GPC5: variants seen among roughly 807,000 people sequenced by gnomAD.
The protein encoded by GPC5 is glypican 5.
A neutral mutation model predicts 53.9 loss-of-function variants in GPC5; 47 were observed. The ratio of observed to expected loss-of-function variants is 0.87; its 90% CI spans 0.69 to 1.11. The LOEUF is 1.11. Among genes scored for constraint, GPC5 ranks in the 50% most tolerant of loss-of-function variants. GPC5 has a pLI of 0.00. For synonymous variants in GPC5, 286 were observed against 263.3 expected (o/e 1.09, Z -0.84); for missense variants, 748 against 713.1 (o/e 1.05, Z -0.56).
chr13:92,231,921 G>A (rs562352520), intron 7 of GPC5, among the ~76,000 whole-genome samples: 4 of 152,242 alleles, frequency 2.6e-5, no homozygotes, highest in African/African-American at 4.8e-5. Flanking sequence ...AGCCGAGATC[G>A]CGCCACTGCA....
chr13:91,506,697 A>G (rs1189084421), intron 2 of GPC5, among the ~76,000 whole-genome samples: 1 of 150,230 alleles, frequency 6.7e-6, no homozygotes, highest in Admixed American at 6.8e-5. Context: ...AGAAAAAATG[A>G]CTTTGAATAA....
At chr13:92,485,264 G>A (rs372632813) in intron 7 of GPC5, among the ~76,000 whole-genome samples, 2 of 152,060 alleles carry the variant, frequency 1.3e-5, no homozygotes, top group African/African-American at 4.8e-5. Context: ...AACCTTGATG[G>A]TATTATAGGA....
chr13:92,050,459 A>G (rs906170207), intron 6 of GPC5, among the ~76,000 whole-genome samples: 12 of 152,176 alleles, frequency 7.9e-5, no homozygotes, highest in African/African-American at 2.7e-4. Context: ...ATATTTTGAT[A>G]AGAGGCAACA....
At chr13:91,689,754 G>A (rs377119760) in intron 2 of GPC5, among the ~76,000 whole-genome samples, 2 of 151,948 alleles carry the variant, frequency 1.3e-5, no homozygotes, top group Non-Finnish European at 2.9e-5. Flanking sequence ...CACTGGAAGG[G>A]CTTCAGGAAC....
intron 7 of GPC5, among the ~76,000 whole-genome samples, chr13:92,548,783 T>C (rs1471648900): frequency 1.3e-5 from 2 of 152,280 alleles, no homozygotes; most frequent in Admixed American, 1.3e-4. Flanking sequence ...TGGTCTACTT[T>C]GTTAATATCA....
intron 6 of GPC5, among the ~76,000 whole-genome samples, chr13:92,073,713 C>T (rs559728992): frequency 6.6e-6 from 1 of 152,234 alleles, no homozygotes; most frequent in South Asian, 2.1e-4. Context: ...CTGCTTGGTT[C>T]AAATAATATG....
chr13:92,611,927 C>T (rs947345470), intron 7 of GPC5, among the ~76,000 whole-genome samples: 14 of 152,050 alleles, frequency 9.2e-5, no homozygotes, highest in African/African-American at 3.4e-4. Flanking sequence ...TTCAAAGAAT[C>T]AACCATGAAA....
intron 7 of GPC5, among the ~76,000 whole-genome samples, chr13:92,219,733 T>C (rs2042435580): frequency 6.6e-6 from 1 of 152,140 alleles, no homozygotes; most frequent in South Asian, 2.1e-4. Flanking sequence ...TTGCATAGGG[T>C]ATAACTTTGT....
At chr13:92,698,249 T>C (rs1252979811) in intron 7 of GPC5, among the ~76,000 whole-genome samples, 4 of 150,154 alleles carry the variant, frequency 2.7e-5, no homozygotes, top group Non-Finnish European at 4.4e-5. Context: ...ATGTGCCATG[T>C]TGGTGTGCTG....
At chr13:91,653,220 C>T (rs1028543130) in intron 2 of GPC5, among the ~76,000 whole-genome samples, 3 of 152,170 alleles carry the variant, frequency 2.0e-5, no homozygotes, top group Non-Finnish European at 4.4e-5. Context: ...CTCCAAAACA[C>T]CCCCAACTTT....
At chr13:91,437,163 A>G (rs1383818364) in intron 1 of GPC5, among the ~76,000 whole-genome samples, 1 of 152,180 alleles carries the variant, frequency 6.6e-6, no homozygotes, top group East Asian at 1.9e-4. Flanking sequence ...CGTGTCTTTT[A>G]ATTGGAGCAT....
chr13:92,712,165 A>G (rs371018944), intron 7 of GPC5, among the ~76,000 whole-genome samples: 4 of 152,042 alleles, frequency 2.6e-5, no homozygotes, highest in African/African-American at 9.7e-5. Context: ...GATAAAAGAG[A>G]CAAAAATTGT....
intron 7 of GPC5, among the ~76,000 whole-genome samples, chr13:92,423,438 A>G (rs1876679883): frequency 6.6e-6 from 1 of 152,224 alleles, no homozygotes; most frequent in African/African-American, 2.4e-5. Flanking sequence ...TTATTTTGCT[A>G]ATAGTGAAAT....
At chr13:91,460,598 G>T (rs1182859266) in intron 2 of GPC5, among the ~76,000 whole-genome samples, 1 of 151,852 alleles carries the variant, frequency 6.6e-6, no homozygotes, top group Non-Finnish European at 1.5e-5. Flanking sequence ...CACCATGCTG[G>T]GCTGATATAT....
intron 7 of GPC5, among the ~76,000 whole-genome samples, chr13:92,627,665 G>A (rs943950894): frequency 5.9e-5 from 9 of 152,140 alleles, no homozygotes; most frequent in Admixed American, 1.3e-4. Context: ...GGAATTATAC[G>A]AAAGGTTTCT....
chr13:92,193,833 C>T (rs571371155), intron 7 of GPC5, among the ~76,000 whole-genome samples: 1 of 152,288 alleles, frequency 6.6e-6, no homozygotes, highest in South Asian at 2.1e-4. Context: ...ATTAACCACT[C>T]CATTCTTTGT....
intron 2 of GPC5, among the ~76,000 whole-genome samples, chr13:91,588,642 C>T (rs1197230956): frequency 1.3e-5 from 2 of 152,136 alleles, no homozygotes; most frequent in African/African-American, 4.8e-5. Flanking sequence ...ATCCTTTCTT[C>T]CTGCCATTCA....
chr13:92,842,614 A>G lies in GPC5; in HGVS notation c.1562-23668A>G, dbSNP rs116301446. On this transcript the variant is annotated intron_variant, in intron 7 of 7. Transcript: ENST00000377067. ...GAAAAGTAAGATTACTATAGACCCA[A>G]AAAGAAATGTATCTCCCAACAATGG... Among the ~76,000 whole-genome samples the G allele has an allele frequency of 6.5e-3, 989 of 152,078 alleles. 10 individuals are homozygous for G. The highest frequency in any genetic ancestry group is 0.023 in the African/African-American group (948 of 41,460).
At position 92,825,968 on chromosome 13, in the gene GPC5, C is replaced by G. The variant is rs976272368; in HGVS notation, c.1562-40314C>G. Among the ~76,000 whole-genome samples the G allele has an allele frequency of 2.6e-5, 4 of 152,248 alleles. No homozygotes were observed. In the South Asian group the frequency reaches 8.3e-4, roughly 32 times the overall value. ...ATTTTTCATTTCTCATCTCTCCATTCTTTCATGAGGGACTTAGAGTGCTTC... is the reference window on the plus strand; with the variant it reads ...ATTTTTCATTTCTCATCTCTCCATTGTTTCATGAGGGACTTAGAGTGCTTC... On this transcript the variant is annotated intron_variant, in intron 7 of 7. Transcript: ENST00000377067.
Sources: allele counts gnomAD v4.1 joint callset (sites outside exome capture counted in the v4.1 genomes callset), GRCh38; gene constraint gnomAD v4.1.1; transcripts MANE v1.5; gene names NCBI Gene and HGNC (gene_info 2026-07-23, HGNC 2026-07-21).